KIF26B: variants seen among roughly 807,000 people sequenced by gnomAD.
KIF26B encodes the protein kinesin-like protein KIF26B.
In KIF26B, 63 loss-of-function variants were observed where a neutral mutation model predicts 151.2. The observed-to-expected ratio is 0.42, with a 90% confidence interval of 0.34 to 0.51. The LOEUF (loss-of-function observed/expected upper bound fraction) is 0.51, where lower values mean the gene tolerates loss of function less well. KIF26B is among the 20% of genes least tolerant of loss of function. The pLI is 0.07. For missense variants in KIF26B, 2,813 were observed against 2,913.6 expected, an observed-to-expected ratio of 0.97 and a Z score of 0.79; for synonymous variants, 1,357 against 1,262.1, an observed-to-expected ratio of 1.08 and a Z score of -1.59.
intron 5 of KIF26B, among the ~76,000 whole-genome samples, chr1:245,550,277 C>G (rs1178657066): frequency 6.6e-6 from 1 of 152,208 alleles, no homozygotes; most frequent in Non-Finnish European, 1.5e-5. Flanking sequence ...CCAGCTGTAG[C>G]TAATAAAGTT....
chr1:245,645,944 A>G, intron 9 of KIF26B, 177 bp from the exon 10 acceptor site: 1 of 610,120 alleles, frequency 1.6e-6, no homozygotes, highest in Non-Finnish European at 2.8e-6. Context: ...ATTTAAGAGG[A>G]CCAATGCTAT....
intron 2 of KIF26B, among the ~76,000 whole-genome samples, chr1:245,354,481 T>A (rs1056739221): frequency 2.0e-5 from 3 of 152,078 alleles, no homozygotes; most frequent in African/African-American, 7.2e-5. Flanking sequence ...TCCACCACAC[T>A]CTCTCGTGAA....
chr1:245,188,282 A>AG (rs1491179786), intron 2 of KIF26B, among the ~76,000 whole-genome samples: 2 of 2,630 alleles, frequency 7.6e-4, no homozygotes, highest in Non-Finnish European at 2.2e-3. Flanking sequence ...CTCCATCTCC[A>AG]AAAAAAAAAA....
At chr1:245,163,397 C>A (rs1014725142) in intron 2 of KIF26B, among the ~76,000 whole-genome samples, 15 of 152,206 alleles carry the variant, frequency 9.9e-5, no homozygotes, top group African/African-American at 3.6e-4. Flanking sequence ...CTGCCTTGGC[C>A]TCCCAAAGTG....
At chr1:245,642,562 G>GAAAA (rs34401122) in intron 9 of KIF26B, among the ~76,000 whole-genome samples, 2 of 73,030 alleles carry the variant, frequency 2.7e-5, no homozygotes, top group Non-Finnish European at 5.6e-5. Flanking sequence ...CTCCGTCTCA[G>GAAAA]AAAAAAAAAA....
Position 245,653,952 on chromosome 1 carries a change from A to G in KIF26B, c.2258+7672A>G, listed in dbSNP as rs139358980. ...GTGGCTCATACCTGTAGTCCAAGCT[A>G]CTTGGGAGGCTGAGGTGGAAGGATC... is the stretch of plus-strand genomic sequence containing the variant. On this transcript the variant is annotated intron_variant, in intron 10 of 14. Coordinates refer to ENST00000407071, the MANE Select transcript of KIF26B (RefSeq NM_018012.4). Among the ~76,000 whole-genome samples the G allele has an allele frequency of 2.5e-3, 381 of 152,278 alleles. 1 individual carries two copies. Among genetic ancestry groups the G allele is most frequent in the African/African-American group, 8.3e-3 (345 of 41,556 alleles).
chr1:245,184,980 G>A (rs1573694932), intron 2 of KIF26B, among the ~76,000 whole-genome samples: 1 of 152,186 alleles, frequency 6.6e-6, no homozygotes, highest in East Asian at 1.9e-4. Flanking sequence ...AGTACAATGG[G>A]AGATCAGGGG....
chr1:245,675,746 G>A (rs2044349682), intron 10 of KIF26B, among the ~76,000 whole-genome samples: 1 of 152,060 alleles, frequency 6.6e-6, no homozygotes, highest in African/African-American at 2.4e-5. Flanking sequence ...TAAGAGCACT[G>A]CCATGCAGAA....
Position 245,451,585 on chromosome 1 carries a change from C to CTTTTTTTTTTTTTTTTT in KIF26B, c.1166+31852_1166+31868dup, listed in dbSNP as rs58192966. On this transcript the variant is annotated intron_variant, in intron 4 of 14. Coordinates refer to ENST00000407071, the MANE Select transcript of KIF26B (RefSeq NM_018012.4). ...TATAATATGTATCCAGAAGATCTAT[C>CTTTTTTTTTTTTTTTTT]TTTTTTTTTTTTTTTTTTTTTTTTT... 4.3e-4 allele frequency among the ~76,000 whole-genome samples: 25 copies of CTTTTTTTTTTTTTTTTT among 58,752 alleles called. 2 individuals are homozygous for CTTTTTTTTTTTTTTTTT. The highest frequency in any genetic ancestry group is 1.2e-3 in the African/African-American group (17 of 14,088). 38.5% of individuals were successfully genotyped at this position (58,752 alleles called of 152,430 possible).
intron 12 of KIF26B, among the ~76,000 whole-genome samples, chr1:245,695,059 G>A (rs986560193): frequency 2.0e-5 from 3 of 152,148 alleles, no homozygotes; most frequent in East Asian, 1.9e-4. Flanking sequence ...TAGAGCTGAT[G>A]GTCCCCTGAC....
At position 245,490,631 on chromosome 1, in the gene KIF26B, T is replaced by C. The variant is rs1231914512; in HGVS notation, c.1167-50136T>C. Among the ~76,000 whole-genome samples, 3 of 152,272 alleles carry C rather than the reference T, an allele frequency of 2.0e-5. No homozygotes were observed. In the East Asian group the frequency reaches 5.8e-4, roughly 29 times the overall value. On this transcript the variant is annotated intron_variant, in intron 4 of 14. Transcript: ENST00000407071. ...TGGCCTGTAGAACACATTTTTATTA[T>C]GCAGTCCATGTTCATATGTCTAGCC...
chr1:245,504,443 T>C (rs1030242673), intron 4 of KIF26B, among the ~76,000 whole-genome samples: 3 of 149,500 alleles, frequency 2.0e-5, no homozygotes, highest in African/African-American at 7.3e-5. Context: ...TTCTTTTTCT[T>C]TTTTTTTGAT....
intron 2 of KIF26B, among the ~76,000 whole-genome samples, chr1:245,363,840 A>G (rs1162885834): frequency 6.6e-6 from 1 of 151,954 alleles, no homozygotes; most frequent in Non-Finnish European, 1.5e-5. Context: ...GGTCGTATTG[A>G]TGTTGGGCCC....
At chr1:245,562,877 A>G (rs1479234446) in intron 5 of KIF26B, among the ~76,000 whole-genome samples, 3 of 151,498 alleles carry the variant, frequency 2.0e-5, no homozygotes, top group Non-Finnish European at 4.4e-5. Flanking sequence ...TGCCTGACTA[A>G]TTGTGTTATT....
chr1:245,298,815 C>T (rs1463190626), intron 2 of KIF26B, among the ~76,000 whole-genome samples: 2 of 152,192 alleles, frequency 1.3e-5, no homozygotes, highest in Non-Finnish European at 2.9e-5. Flanking sequence ...CAGAAAACAT[C>T]AGGGATGAAC....
At chr1:245,423,097 CAAAAAAAAAAA>C (rs35659375) in intron 4 of KIF26B, among the ~76,000 whole-genome samples, 1 of 77,682 alleles carries the variant, frequency 1.3e-5, no homozygotes, top group Non-Finnish European at 2.6e-5. Flanking sequence ...GACTCAGTCT[CAAAAAAAAAAA>C]AAAAAAAGGA....
At chr1:245,632,125 G>A (rs1054056420) in intron 9 of KIF26B, among the ~76,000 whole-genome samples, 2 of 151,638 alleles carry the variant, frequency 1.3e-5, no homozygotes, top group East Asian at 1.9e-4. Context: ...TGCATCATTC[G>A]GTTGTCTATT....
chr1:245,504,441 CT>C (rs145517353), intron 4 of KIF26B, among the ~76,000 whole-genome samples: 3 of 134,460 alleles, frequency 2.2e-5, no homozygotes, highest in Admixed American at 8.1e-5. Flanking sequence ...CTTTCTTTTT[CT>C]TTTTTTTTGA....
chr1:245,620,208 T>G (rs1475719394), intron 9 of KIF26B, among the ~76,000 whole-genome samples: 5 of 152,042 alleles, frequency 3.3e-5, no homozygotes, highest in Admixed American at 3.3e-4. Context: ...TCTCTTTGAG[T>G]TTTCAATTCA....
Sources: allele counts gnomAD v4.1 joint callset (sites outside exome capture counted in the v4.1 genomes callset), GRCh38; gene constraint gnomAD v4.1.1; transcripts MANE v1.5; gene names NCBI Gene and HGNC (gene_info 2026-07-23, HGNC 2026-07-21).